TMEM108: variants seen among roughly 807,000 people sequenced by gnomAD.
TMEM108 encodes transmembrane protein 108, also known as cancer/testis antigen 124.
TMEM108 carries 12 observed loss-of-function variants against 35.1 expected under a neutral mutation model. The observed-to-expected ratio is 0.34, with a 90% CI of 0.22 to 0.55. The LOEUF (loss-of-function observed/expected upper bound fraction) is 0.55. TMEM108 is among the 20% of genes least tolerant of loss of function. TMEM108 has a pLI of 0.89. For synonymous variants in TMEM108, 287 were observed against 308.6 expected (o/e 0.93, Z 0.73); for missense variants, 680 against 753.3 (o/e 0.90, Z 1.14).
intron 4 of TMEM108, among the ~76,000 whole-genome samples, chr3:133,384,923 G>A (rs1040992586): frequency 6.6e-6 from 1 of 152,196 alleles, no homozygotes; most frequent in South Asian, 2.1e-4. Flanking sequence ...AGTTCACCCT[G>A]GCCAAAGTGG....
chr3:133,351,720 TG>T (rs1480268212), intron 3 of TMEM108, among the ~76,000 whole-genome samples: 5 of 152,178 alleles, frequency 3.3e-5, no homozygotes, highest in Non-Finnish European at 5.9e-5. Context: ...ATGAGGAAAG[TG>T]AGGCACAAAG....
chr3:133,291,864 C>T (rs564660432), intron 3 of TMEM108, among the ~76,000 whole-genome samples: 2 of 152,138 alleles, frequency 1.3e-5, no homozygotes, highest in East Asian at 1.9e-4. Flanking sequence ...CAGACATACA[C>T]GATCTCTCTA....
chr3:133,112,187 A>G (rs1944233558), intron 2 of TMEM108, among the ~76,000 whole-genome samples: 1 of 152,082 alleles, frequency 6.6e-6, no homozygotes, highest in Non-Finnish European at 1.5e-5. Flanking sequence ...AATGGTAATA[A>G]GAAGTTAAAA....
chr3:133,046,200 A>T (rs1189552979), intron 2 of TMEM108, among the ~76,000 whole-genome samples, 180 bp downstream of exon 2: 2 of 152,236 alleles, frequency 1.3e-5, no homozygotes, highest in African/African-American at 4.8e-5. Context: ...AGAGAAAACC[A>T]TGACCGAGGT....
At chr3:133,297,248 T>A (rs954778086) in intron 3 of TMEM108, among the ~76,000 whole-genome samples, 4 of 152,186 alleles carry the variant, frequency 2.6e-5, no homozygotes, top group African/African-American at 7.2e-5. Flanking sequence ...GTCAGGGTAT[T>A]GGACCATGCT....
chr3:133,366,475 T>C (rs1022231808), intron 3 of TMEM108, among the ~76,000 whole-genome samples: 7 of 152,234 alleles, frequency 4.6e-5, no homozygotes, highest in African/African-American at 1.4e-4. Context: ...CCCAGGTTCC[T>C]CCAGCTTTCT....
At chr3:133,205,433 G>A (rs530009248) in intron 2 of TMEM108, among the ~76,000 whole-genome samples, 3 of 152,198 alleles carry the variant, frequency 2.0e-5, no homozygotes, top group Non-Finnish European at 2.9e-5. Flanking sequence ...TTTTTGGAGT[G>A]GCTGGTACTG....
At chr3:133,316,355 A>G (rs757086394) in intron 3 of TMEM108, among the ~76,000 whole-genome samples, 2 of 152,188 alleles carry the variant, frequency 1.3e-5, no homozygotes, top group Non-Finnish European at 1.5e-5. Flanking sequence ...AAAAAAGTAC[A>G]TTTTTAAAAT....
intron 3 of TMEM108, among the ~76,000 whole-genome samples, chr3:133,273,071 G>A (rs1295947504): frequency 6.6e-6 from 1 of 152,100 alleles, no homozygotes; most frequent in East Asian, 1.9e-4. Flanking sequence ...TTAGGGGTGG[G>A]TCACAAACCC....
intron 2 of TMEM108, among the ~76,000 whole-genome samples, chr3:133,207,451 A>T (rs1211421173): frequency 6.6e-6 from 1 of 151,854 alleles, no homozygotes; most frequent in Non-Finnish European, 1.5e-5. Context: ...CCTCCCCTGG[A>T]CCTCTGATTT....
chr3:133,049,677 A>G (rs959043591), intron 2 of TMEM108, among the ~76,000 whole-genome samples: 3 of 152,096 alleles, frequency 2.0e-5, no homozygotes, highest in African/African-American at 7.2e-5. Flanking sequence ...CCTCTGAAAC[A>G]TTTGCCCTTT....
chr3:133,067,294 T>C (rs541851669), intron 2 of TMEM108, among the ~76,000 whole-genome samples: 2 of 152,318 alleles, frequency 1.3e-5, no homozygotes, highest in South Asian at 4.1e-4. Flanking sequence ...TACTTGGCAT[T>C]GTGTGGCTTT....
chr3:133,060,063 CTAT>C (rs139848788), intron 2 of TMEM108, among the ~76,000 whole-genome samples: 19,211 of 152,150 alleles, frequency 0.13, 1,400 homozygotes, highest in African/African-American at 0.2. Flanking sequence ...TTTATTTGTT[CTAT>C]TATTCTCTCC....
intron 5 of TMEM108, among the ~76,000 whole-genome samples, chr3:133,394,527 T>C (rs779482079): frequency 5.9e-5 from 9 of 152,236 alleles, no homozygotes; most frequent in African/African-American, 4.8e-5. Flanking sequence ...AACTCTCTCT[T>C]TAATGCAGCA....
At chr3:133,266,663 G>T (rs959786467) in intron 3 of TMEM108, among the ~76,000 whole-genome samples, 36 of 152,174 alleles carry the variant, frequency 2.4e-4, no homozygotes, top group African/African-American at 8.4e-4. Context: ...GTGCACTAAA[G>T]TCAGTCAGTC....
At chr3:133,279,156 A>G (rs1946878171) in intron 3 of TMEM108, among the ~76,000 whole-genome samples, 1 of 152,196 alleles carries the variant, frequency 6.6e-6, no homozygotes, top group African/African-American at 2.4e-5. Flanking sequence ...CCCTGTGTCA[A>G]AGTAAGCACT....
At chr3:133,142,706 A>G (rs1024289718) in intron 2 of TMEM108, among the ~76,000 whole-genome samples, 19 of 152,194 alleles carry the variant, frequency 1.2e-4, no homozygotes, top group Non-Finnish European at 2.8e-4. Context: ...ACACCTGCTA[A>G]TACTTTAACT....
intron 3 of TMEM108, among the ~76,000 whole-genome samples, chr3:133,292,732 C>T (rs1254024723): frequency 6.6e-6 from 1 of 152,168 alleles, no homozygotes; most frequent in Non-Finnish European, 1.5e-5. Context: ...CTCAGAGACA[C>T]AGATGCCTTA....
At chr3:133,359,382 C>G (rs2072275535) in intron 3 of TMEM108, among the ~76,000 whole-genome samples, 1 of 152,106 alleles carries the variant, frequency 6.6e-6, no homozygotes, top group African/African-American at 2.4e-5. Context: ...CCTTTTCTTA[C>G]AAGTACAGAG....
Sources: allele counts gnomAD v4.1 joint callset (sites outside exome capture counted in the v4.1 genomes callset), GRCh38; gene constraint gnomAD v4.1.1; transcripts MANE v1.5; gene names NCBI Gene and HGNC (gene_info 2026-07-23, HGNC 2026-07-21).